TMEM108: variants seen among roughly 807,000 people sequenced by gnomAD.
TMEM108 encodes the protein transmembrane protein 108.
TMEM108 carries 12 observed loss-of-function variants against 35.1 expected under a neutral mutation model. That is an observed-to-expected ratio of 0.34 (90% CI 0.22 to 0.55). TMEM108 has a LOEUF of 0.55. Ranked by LOEUF, TMEM108 falls within the 20% of genes least tolerant of loss-of-function variation. The pLI, the probability that TMEM108 is intolerant of heterozygous loss-of-function variation, is 0.89. For synonymous variants in TMEM108, 287 were observed against 308.6 expected (o/e 0.93, Z 0.73); for missense variants, 680 against 753.3 (o/e 0.90, Z 1.14).
At chr3:133,285,791 G>A (rs1049208071) in intron 3 of TMEM108, among the ~76,000 whole-genome samples, 4 of 152,258 alleles carry the variant, frequency 2.6e-5, no homozygotes, top group East Asian at 1.9e-4. Flanking sequence ...CAGACTGGGC[G>A]CCCAGCTGCT....
At chr3:133,315,473 G>A (rs1242862179) in intron 3 of TMEM108, among the ~76,000 whole-genome samples, 32 of 152,196 alleles carry the variant, frequency 2.1e-4, no homozygotes, top group Non-Finnish European at 4.4e-5. Context: ...AGAAATGCTT[G>A]GCCCCTCACC....
At chr3:133,357,032 CTG>C (rs1292749012) in intron 3 of TMEM108, among the ~76,000 whole-genome samples, 2 of 152,094 alleles carry the variant, frequency 1.3e-5, no homozygotes, top group African/African-American at 4.8e-5. Context: ...TATTTGCAAA[CTG>C]TGCATCCAAC....
intron 1 of TMEM108, among the ~76,000 whole-genome samples, chr3:133,045,597 C>T (rs1270676123): frequency 6.6e-6 from 1 of 152,188 alleles, no homozygotes; most frequent in East Asian, 1.9e-4. Context: ...CAAGCTTCTT[C>T]ATACTGTTTT....
At chr3:133,192,704 T>C (rs938541832) in intron 2 of TMEM108, 3 of 152,306 alleles carry the variant, frequency 2.0e-5, no homozygotes, top group Non-Finnish European at 4.4e-5. Context: ...GGACATTTCC[T>C]GTGGGGAGTT....
At chr3:133,057,374 AT>A (rs1409284825) in intron 2 of TMEM108, among the ~76,000 whole-genome samples, 43 of 146,224 alleles carry the variant, frequency 2.9e-4, no homozygotes, top group South Asian at 1.7e-3. Flanking sequence ...CAATGCTTAT[AT>A]TTTTCTAGTT....
At chr3:133,039,567 C>G (rs1489343361) in intron 1 of TMEM108, among the ~76,000 whole-genome samples, 1 of 152,148 alleles carries the variant, frequency 6.6e-6, no homozygotes, top group Non-Finnish European at 1.5e-5. Flanking sequence ...TATTCCCTGC[C>G]TCTCCTCCAT....
chr3:133,072,607 C>T (rs1398394777), intron 2 of TMEM108, among the ~76,000 whole-genome samples: 2 of 152,040 alleles, frequency 1.3e-5, no homozygotes, highest in Non-Finnish European at 2.9e-5. Context: ...TACCGCATAC[C>T]TTATGGTACT....
At chr3:133,153,005 A>G (rs1944824432) in intron 2 of TMEM108, among the ~76,000 whole-genome samples, 1 of 152,130 alleles carries the variant, frequency 6.6e-6, no homozygotes, top group South Asian at 2.1e-4. Flanking sequence ...TTTAACAGTC[A>G]TGAGGGTTGG....
chr3:133,101,492 T>C (rs923190255), intron 2 of TMEM108, among the ~76,000 whole-genome samples: 2 of 152,244 alleles, frequency 1.3e-5, no homozygotes, highest in African/African-American at 4.8e-5. Flanking sequence ...AGCATGTATG[T>C]AGAACTTTTG....
intron 3 of TMEM108, among the ~76,000 whole-genome samples, chr3:133,367,351 G>A (rs2072530240): frequency 6.6e-6 from 1 of 152,322 alleles, no homozygotes; most frequent in South Asian, 2.1e-4. Context: ...ATTGGGGAGG[G>A]TGGTAGATAG....
At chr3:133,066,135 C>CATTACTAAGTAATGGGA (rs1205632040) in intron 2 of TMEM108, among the ~76,000 whole-genome samples, 22 of 152,108 alleles carry the variant, frequency 1.4e-4, no homozygotes, top group African/African-American at 5.3e-4. Context: ...AAGTAATTCC[C>CATTACTAAGTAATGGGA]ATTACTTAGA....
chr3:133,143,975 T>TATTTTATTTTATTTTATTTTATTTTA (rs200418383), intron 2 of TMEM108, among the ~76,000 whole-genome samples: 5 of 150,780 alleles, frequency 3.3e-5, no homozygotes, highest in African/African-American at 1.2e-4. Flanking sequence ...TATTTTATTT[T>TATTTTATTTTATTTTATTTTATTTTA]ATTTTATTTT....
At chr3:133,172,998 C>T (rs550327776) in intron 2 of TMEM108, among the ~76,000 whole-genome samples, 22 of 152,252 alleles carry the variant, frequency 1.4e-4, no homozygotes, top group Admixed American at 1.4e-3. Flanking sequence ...GTGAGGCCTC[C>T]CTAGCCATGT....
At chr3:133,217,252 A>T (rs1205471314) in intron 2 of TMEM108, among the ~76,000 whole-genome samples, 1 of 151,868 alleles carries the variant, frequency 6.6e-6, no homozygotes, top group East Asian at 1.9e-4. Context: ...ATGTCTATTC[A>T]GTTTTTTTGC....
intron 3 of TMEM108, among the ~76,000 whole-genome samples, chr3:133,341,272 C>A (rs1331615558): frequency 6.6e-6 from 1 of 151,704 alleles, no homozygotes; most frequent in Non-Finnish European, 1.5e-5. Context: ...AGTGAATAAT[C>A]TGAAAAGGAA....
At chr3:133,357,450 CATT>C (rs1238786696) in intron 3 of TMEM108, among the ~76,000 whole-genome samples, 1 of 152,122 alleles carries the variant, frequency 6.6e-6, no homozygotes, top group East Asian at 1.9e-4. Context: ...AATAAGAAGT[CATT>C]ATATGAAAAA....
intron 3 of TMEM108, among the ~76,000 whole-genome samples, chr3:133,313,422 T>C (rs975630893): frequency 1.3e-5 from 2 of 152,148 alleles, no homozygotes; most frequent in African/African-American, 4.8e-5. Context: ...CCTGACCTCG[T>C]GATCCACCTG....
chr3:133,078,305 A>G (rs1336653757), intron 2 of TMEM108, among the ~76,000 whole-genome samples: 1 of 152,118 alleles, frequency 6.6e-6, no homozygotes, highest in African/African-American at 2.4e-5. Context: ...CACTCATTTT[A>G]TATCACCTCA....
chr3:133,171,246 T>G (rs77393387), intron 2 of TMEM108, among the ~76,000 whole-genome samples: 33 of 152,212 alleles, frequency 2.2e-4, no homozygotes, highest in Non-Finnish European at 4.0e-4. Flanking sequence ...TGTGATGTGC[T>G]TTCAGAGAGT....
Sources: gnomAD v4.1 joint callset for allele counts (sites outside exome capture counted in the v4.1 genomes callset) on GRCh38, gnomAD v4.1.1 for gene constraint, MANE v1.5 for transcripts, NCBI Gene and HGNC (gene_info 2026-07-23, HGNC 2026-07-21) for gene names.